SLC9A9: variants seen among roughly 807,000 people sequenced by gnomAD.
SLC9A9 encodes the protein solute carrier family 9 member A9.
A neutral mutation model predicts 77.8 loss-of-function variants in SLC9A9; 62 were observed. The observed-to-expected ratio is 0.80, with a 90% confidence interval of 0.65 to 0.98. The LOEUF is 0.98. Among genes scored for constraint, SLC9A9 ranks in the 50% least tolerant of loss-of-function variants. The pLI is 0.00. For missense variants in SLC9A9, 775 were observed against 774.9 expected (o/e 1.00, Z 0.00); for synonymous variants, 320 against 283.5 (o/e 1.13, Z -1.29).
At chr3:143,602,092 T>A (rs187339748) in intron 6 of SLC9A9, among the ~76,000 whole-genome samples, 95 of 152,340 alleles carry the variant, frequency 6.2e-4, no homozygotes, top group Middle Eastern at 6.8e-3. Flanking sequence ...AAAAACTAAT[T>A]GTTCCTACAG....
intron 14 of SLC9A9, among the ~76,000 whole-genome samples, chr3:143,293,232 G>A (rs746815090): frequency 3.3e-5 from 5 of 152,140 alleles, no homozygotes; most frequent in Non-Finnish European, 7.3e-5. Flanking sequence ...GAGCTGCCCC[G>A]GTTTTCAGTG....
At chr3:143,553,934 A>T (rs895114536) in intron 8 of SLC9A9, among the ~76,000 whole-genome samples, 3 of 152,250 alleles carry the variant, frequency 2.0e-5, no homozygotes, top group African/African-American at 7.2e-5. Flanking sequence ...GTGCTGAAGC[A>T]CTAAGTACTT....
At chr3:143,395,173 G>T (rs1307653442) in intron 12 of SLC9A9, among the ~76,000 whole-genome samples, 1 of 152,286 alleles carries the variant, frequency 6.6e-6, no homozygotes, top group East Asian at 1.9e-4. Context: ...AAAGCTGGAG[G>T]CATCATGCTA....
intron 12 of SLC9A9, among the ~76,000 whole-genome samples, chr3:143,465,316 C>CCTCTCCCTGCTGG (rs1447651662): frequency 1.3e-5 from 2 of 152,310 alleles, no homozygotes; most frequent in East Asian, 1.9e-4. Context: ...TTTAAAGCCC[C>CCTCTCCCTGCTGG]ACTATAATAC....
chr3:143,655,440 T>C (rs1370250103), intron 5 of SLC9A9: 8 of 981,916 alleles, frequency 8.1e-6, no homozygotes, highest in Admixed American at 1.2e-4. Flanking sequence ...TGCAATCCGA[T>C]TTCTTAAACC....
At chr3:143,488,915 A>C (rs2035696634) in intron 11 of SLC9A9, among the ~76,000 whole-genome samples, 1 of 151,962 alleles carries the variant, frequency 6.6e-6, no homozygotes, top group African/African-American at 2.4e-5. Context: ...AGAAAGAAAT[A>C]AAGGTATTCA....
chr3:143,390,122 A>G (rs1321531308), intron 12 of SLC9A9, among the ~76,000 whole-genome samples: 1 of 152,190 alleles, frequency 6.6e-6, no homozygotes, highest in African/African-American at 2.4e-5. Flanking sequence ...TTCATGCAAC[A>G]TTCCTGTCCT....
chr3:143,561,177 A>G (rs1452819606), intron 8 of SLC9A9, among the ~76,000 whole-genome samples: 1 of 152,200 alleles, frequency 6.6e-6, no homozygotes, highest in Non-Finnish European at 1.5e-5. Context: ...GTGAAACTCC[A>G]TCTCAAAATA....
At chr3:143,615,127 G>A (rs7635303) in intron 6 of SLC9A9, among the ~76,000 whole-genome samples, 384 of 152,192 alleles carry the variant, frequency 2.5e-3, no homozygotes, top group African/African-American at 8.8e-3. Flanking sequence ...TCAGAGTCTC[G>A]TTACTAAACC....
At chr3:143,791,342 C>A (rs1560080960) in intron 4 of SLC9A9, among the ~76,000 whole-genome samples, 1 of 152,186 alleles carries the variant, frequency 6.6e-6, no homozygotes, top group Non-Finnish European at 1.5e-5. Flanking sequence ...AACTTAAAGA[C>A]CTTGTTCATG....
intron 14 of SLC9A9, 113 bp downstream of exon 14, chr3:143,363,371 C>G: frequency 2.1e-6 from 2 of 973,892 alleles, no homozygotes; most frequent in Non-Finnish European, 3.2e-6. Context: ...TGTGAATTCA[C>G]TTTACCTTTT....
rs2037316470 is a variant in SLC9A9, at chr3:143,574,141, A to T, written c.947T>A (p.Phe316Tyr). The change falls in exon 8 of 16, where the codon TTT (phenylalanine) becomes TAT (tyrosine). Residue 316 changes from phenylalanine to tyrosine, a missense_variant. Transcript: ENST00000316549. ...GAAGGCACTCCAAGAAAGCAGGAAAAACAGGCCGGTTTCCAGCATCGGGAA... is the reference window on the plus strand; with the variant it reads ...GAAGGCACTCCAAGAAAGCAGGAAATACAGGCCGGTTTCCAGCATCGGGAA... ...CEFPMLETGL[F>Y]FLLSWSAFLS... The T allele has an allele frequency of 6.2e-7, 1 of 1,613,472 alleles. No individual in the cohort carries two copies. The highest frequency in any genetic ancestry group is 1.3e-5 in the African/African-American group (1 of 74,894).
rs1451217545 is a variant in SLC9A9, at chr3:143,424,578, C to A, written c.1469+42459G>T. 2.0e-5 allele frequency among the ~76,000 whole-genome samples: 3 copies of A among 152,114 alleles called. No homozygotes were observed. In the East Asian group the frequency reaches 5.8e-4, roughly 29 times the overall value. On this transcript the variant is annotated intron_variant, in intron 12 of 15. Transcript: ENST00000316549. ...ATCCCCTGACCTCATGATCCACCTG[C>A]CTCTGCCTCCCCAAGTGCTGGGTGA...
intron 6 of SLC9A9, among the ~76,000 whole-genome samples, chr3:143,602,753 A>C (rs1225924824): frequency 6.6e-6 from 1 of 152,206 alleles, no homozygotes; most frequent in Non-Finnish European, 1.5e-5. Context: ...AATAGGGATA[A>C]TGATAGCACT....
At chr3:143,285,624 A>C (rs953395269) in intron 14 of SLC9A9, among the ~76,000 whole-genome samples, 3 of 152,168 alleles carry the variant, frequency 2.0e-5, no homozygotes, top group Non-Finnish European at 4.4e-5. Context: ...ACTTCTCTGC[A>C]TTCTCTGAGG....
intron 12 of SLC9A9, among the ~76,000 whole-genome samples, chr3:143,422,032 A>G (rs149253230): frequency 7.2e-5 from 11 of 152,326 alleles, no homozygotes; most frequent in Admixed American, 7.2e-4. Flanking sequence ...AAACCACAAT[A>G]TGATATTATC....
intron 8 of SLC9A9, among the ~76,000 whole-genome samples, chr3:143,565,686 C>T (rs529866419): frequency 2.6e-5 from 4 of 151,790 alleles, no homozygotes; most frequent in African/African-American, 2.4e-5. Flanking sequence ...GCAGCTTGAA[C>T]GCCTAATATT....
intron 2 of SLC9A9, among the ~76,000 whole-genome samples, chr3:143,829,888 C>T (rs2108887579): frequency 6.6e-6 from 1 of 152,214 alleles, no homozygotes; most frequent in Middle Eastern, 3.4e-3. Flanking sequence ...TTAAAACAAT[C>T]CTGCAGAATA....
chr3:143,793,347 A>G (rs1576729841), intron 4 of SLC9A9, among the ~76,000 whole-genome samples: 1 of 152,250 alleles, frequency 6.6e-6, no homozygotes, highest in East Asian at 1.9e-4. Flanking sequence ...GTGAAAGCAT[A>G]TAATATAAAT....
Sources: allele counts gnomAD v4.1 joint callset (sites outside exome capture counted in the v4.1 genomes callset), GRCh38; gene constraint gnomAD v4.1.1; transcripts MANE v1.5; gene names NCBI Gene and HGNC (gene_info 2026-07-23, HGNC 2026-07-21).